Variants in PLOD2 observed in about 807,000 individuals in gnomAD.
PLOD2 encodes procollagen-lysine,2-oxoglutarate 5-dioxygenase 2, also known as lysine hydroxylase 2.
A neutral mutation model predicts 101.0 loss-of-function variants in PLOD2; 65 were observed. That is an observed-to-expected ratio of 0.64 (90% CI 0.53 to 0.79). PLOD2 has a LOEUF of 0.79. PLOD2 is among the 30% of genes least tolerant of loss of function. The pLI is 0.00. For synonymous variants in PLOD2, 314 were observed against 302.9 expected (o/e 1.04, Z -0.38); for missense variants, 909 against 914.6 (o/e 0.99, Z 0.08).
In PLOD2 at chr3:146,097,155, C is replaced by T. The variant is rs563130875; in HGVS notation, c.778-5254G>A. 1.7e-4 allele frequency among the ~76,000 whole-genome samples: 26 copies of T among 149,562 alleles called. No homozygotes were observed. In the South Asian group the frequency reaches 3.4e-3, roughly 19 times the overall value. Reference sequence around the variant, plus strand: ...GGGGTCAGCCCCCCGCCCGGCCAGCCGCCCAGTCCGGGAGGGAGGTGGGGG... The same window carrying T: ...GGGGTCAGCCCCCCGCCCGGCCAGCTGCCCAGTCCGGGAGGGAGGTGGGGG... On this transcript the variant is annotated intron_variant, in intron 7 of 19. Transcript: ENST00000282903.
intron 11 of PLOD2, 72 bp from the exon 12 acceptor site, chr3:146,081,935 T>C (rs1221351329): frequency 5.7e-6 from 8 of 1,412,060 alleles, no homozygotes; most frequent in Admixed American, 4.0e-5. Flanking sequence ...ACCACAGAAT[T>C]ATGTATTTTG....
At chr3:146,143,083 A>G (rs954468669) in intron 1 of PLOD2, among the ~76,000 whole-genome samples, 2 of 152,132 alleles carry the variant, frequency 1.3e-5, no homozygotes, top group African/African-American at 4.8e-5. Flanking sequence ...GCATCACAGC[A>G]GCTATTTTGG....
At chr3:146,155,573 G>A (rs558124685) in intron 1 of PLOD2, among the ~76,000 whole-genome samples, 3 of 151,386 alleles carry the variant, frequency 2.0e-5, no homozygotes, top group Admixed American at 1.3e-4. Flanking sequence ...AAAATTAGCT[G>A]GGCATGGTGG....
chr3:146,109,145 C>G (rs570242456), intron 4 of PLOD2, among the ~76,000 whole-genome samples: 5 of 152,128 alleles, frequency 3.3e-5, no homozygotes, highest in Non-Finnish European at 5.9e-5. Context: ...TATGATAAAC[C>G]TTGGGTTCTC....
At chr3:146,080,633 G>A (rs1482797323) in intron 12 of PLOD2, among the ~76,000 whole-genome samples, 1 of 151,942 alleles carries the variant, frequency 6.6e-6, no homozygotes, top group Non-Finnish European at 1.5e-5. Flanking sequence ...AGAATGACAG[G>A]AGGTTGGACA....
At chr3:146,154,804 A>C (rs1459034349) in intron 1 of PLOD2, among the ~76,000 whole-genome samples, 1 of 152,232 alleles carries the variant, frequency 6.6e-6, no homozygotes, top group Non-Finnish European at 1.5e-5. Flanking sequence ...AAGGCCTGAA[A>C]AAAATGCATG....
In PLOD2 at chr3:146,121,268, T is replaced by A; in HGVS notation, c.202-20A>T. 6.2e-7 allele frequency: 1 copy of A among 1,609,332 alleles called. No individual in the cohort carries two copies. Among genetic ancestry groups the A allele is most frequent in the East Asian group, 2.2e-5 (1 of 44,764 alleles). ...AAGGACCTATAAACAAAATCAACAT[T>A]TCATTCCTGAGCAAAACTCAAATTA... On this transcript the variant is annotated intron_variant, in intron 2 of 19. Coordinates refer to ENST00000282903, the MANE Select transcript of PLOD2 (RefSeq NM_182943.3).
chr3:146,130,760 T>C (rs2030861339), intron 1 of PLOD2, among the ~76,000 whole-genome samples: 1 of 152,188 alleles, frequency 6.6e-6, no homozygotes, highest in Non-Finnish European at 1.5e-5. Context: ...CTCAATGTCA[T>C]GTGGCCTCCC....
At chr3:146,099,641 G>T (rs191745236) in intron 7 of PLOD2, among the ~76,000 whole-genome samples, 1 of 151,426 alleles carries the variant, frequency 6.6e-6, no homozygotes, top group Admixed American at 6.6e-5. Flanking sequence ...CAAGTGATCT[G>T]CCTGCCTCAG....
At chr3:146,107,002 C>T (rs1937546256) in intron 4 of PLOD2, among the ~76,000 whole-genome samples, 1 of 152,112 alleles carries the variant, frequency 6.6e-6, no homozygotes, top group African/African-American at 2.4e-5. Flanking sequence ...TTTTCTCTGA[C>T]CTTCTAAAAA....
chr3:146,136,685 C>T (rs543138147), intron 1 of PLOD2, among the ~76,000 whole-genome samples: 7 of 152,176 alleles, frequency 4.6e-5, no homozygotes, highest in South Asian at 4.1e-4. Context: ...CAATGGGTTG[C>T]CTTTTTTATG....
At position 146,160,990 on chromosome 3, in the gene PLOD2, A is replaced by T. The variant is rs752596978; in HGVS notation, c.-1T>A. ...GAGGCTTCACCGTGCATCCCCCCAT[A>T]TTCGGCCCTCGAGGGCCGCGCGGGC... On this transcript the variant is annotated 5_prime_UTR_variant, in exon 1 of 20. Coordinates refer to ENST00000282903, the MANE Select transcript of PLOD2 (RefSeq NM_182943.3). 5 of 1,570,296 alleles carry T rather than the reference A, an allele frequency of 3.2e-6. No homozygotes were observed. Among genetic ancestry groups the T allele is most frequent in the Non-Finnish European group, 4.3e-6 (5 of 1,156,574 alleles).
chr3:146,135,834 C>T (rs1197571973), intron 1 of PLOD2, among the ~76,000 whole-genome samples: 2 of 151,944 alleles, frequency 1.3e-5, no homozygotes, highest in Non-Finnish European at 2.9e-5. Context: ...TATGAATGAA[C>T]CATTATTTAA....
intron 15 of PLOD2, among the ~76,000 whole-genome samples, chr3:146,075,514 G>T (rs942188557): frequency 1.8e-5 from 2 of 111,156 alleles, no homozygotes; most frequent in Non-Finnish European, 2.0e-5. Context: ...AAAAGAAGAA[G>T]AAAACAGATT....
Position 146,088,864 on chromosome 3 carries a change from A to G in PLOD2, c.880-153T>C, listed in dbSNP as rs943306501. The G allele has an allele frequency of 4.6e-6, 3 of 654,452 alleles. No homozygotes were observed. The African/African-American group carries it at 5.5e-5, about 12-fold the overall frequency. 40.5% of individuals were successfully genotyped at this position (654,452 alleles called of 1,614,324 possible). Reference sequence around the variant, plus strand: ...TGAATTGCTCCATGGCAGTTCTCTAACACTTGAAACAAATTTTTGTGGCCC... The same window carrying G: ...TGAATTGCTCCATGGCAGTTCTCTAGCACTTGAAACAAATTTTTGTGGCCC... On this transcript the variant is annotated intron_variant, in intron 8 of 19. Coordinates refer to ENST00000282903, the MANE Select transcript of PLOD2 (RefSeq NM_182943.3).
chr3:146,104,431 A>T (rs1576597143), intron 5 of PLOD2, 89 bp from the exon 6 acceptor site: 2 of 748,954 alleles, frequency 2.7e-6, no homozygotes, highest in Non-Finnish European at 4.8e-6. Flanking sequence ...TCTTTGAGGG[A>T]ATTTAAAGTT....
At chr3:146,081,251 T>TA (rs549288144) in intron 12 of PLOD2, among the ~76,000 whole-genome samples, 169 of 151,944 alleles carry the variant, frequency 1.1e-3, no homozygotes, top group African/African-American at 1.6e-3. Context: ...CTAATATTGG[T>TA]AAAAAAAACT....
At chr3:146,154,362 G>A (rs944444856) in intron 1 of PLOD2, among the ~76,000 whole-genome samples, 26 of 151,964 alleles carry the variant, frequency 1.7e-4, no homozygotes, top group African/African-American at 5.8e-4. Flanking sequence ...CTCCAATGTA[G>A]TATACCTTGT....
intron 1 of PLOD2, among the ~76,000 whole-genome samples, chr3:146,153,092 G>A (rs910374839): frequency 6.6e-6 from 1 of 152,124 alleles, no homozygotes. Flanking sequence ...GCCAGAGCAG[G>A]AGAAGAGGCC....
Sources: gnomAD v4.1 joint callset for allele counts (sites outside exome capture counted in the v4.1 genomes callset) on GRCh38, gnomAD v4.1.1 for gene constraint, MANE v1.5 for transcripts, NCBI Gene and HGNC (gene_info 2026-07-23, HGNC 2026-07-21) for gene names.